Variants in EPHA6 observed in about 807,000 individuals in gnomAD.
EPHA6 encodes ephrin type-A receptor 6.
A neutral mutation model predicts 112.0 loss-of-function variants in EPHA6; 50 were observed. The ratio of observed to expected loss-of-function variants is 0.45; its 90% CI spans 0.36 to 0.56. The LOEUF (loss-of-function observed/expected upper bound fraction) is 0.56. EPHA6 is among the 20% of genes least tolerant of loss of function. The pLI is 0.00. For synonymous variants in EPHA6, 529 were observed against 490.7 expected (o/e 1.08, Z -1.03); for missense variants, 1,280 against 1,417.4 (o/e 0.90, Z 1.56).
intron 12 of EPHA6, among the ~76,000 whole-genome samples, chr3:97,603,551 G>A (rs557364083): frequency 3.4e-4 from 52 of 151,886 alleles, no homozygotes; most frequent in Admixed American, 1.2e-3. Context: ...AATCATCATA[G>A]TGACTATATA....
chr3:97,638,019 A>C lies in EPHA6; in HGVS notation c.2721A>C (p.Lys907Asn), dbSNP rs761211944. The stretch of plus-strand genomic sequence containing the variant: ...TGGTCAATAGCAACTTAGTATGCAA[A>C]GTTTCTGATTTTGGTCTCTCCAGAG... The part of the protein sequence containing the change: ...NILVNSNLVC[K>N]VSDFGLSRVL... The change falls in exon 14 of 18, where the codon AAA (lysine) becomes AAC (asparagine). Residue 907 changes from lysine to asparagine, a missense_variant. Transcript: ENST00000389672. The C allele has an allele frequency of 6.2e-7, 1 of 1,613,906 alleles. No homozygotes were observed.
intron 13 of EPHA6, among the ~76,000 whole-genome samples, chr3:97,637,025 G>C (rs1020522148): frequency 6.6e-6 from 1 of 151,894 alleles, no homozygotes; most frequent in East Asian, 1.9e-4. Flanking sequence ...GGTACTATTT[G>C]TTTACTATTT....
At chr3:97,395,943 C>T (rs2086669866) in intron 5 of EPHA6, among the ~76,000 whole-genome samples, 2 of 151,656 alleles carry the variant, frequency 1.3e-5, no homozygotes, top group Non-Finnish European at 3.0e-5. Context: ...GAACCTAGGA[C>T]ATAGTTGGAA....
chr3:97,618,182 G>A (rs188936067), intron 13 of EPHA6, among the ~76,000 whole-genome samples: 2 of 152,182 alleles, frequency 1.3e-5, no homozygotes, highest in East Asian at 3.9e-4. Flanking sequence ...TGACTTTTGG[G>A]TAAATAATGA....
intron 3 of EPHA6, among the ~76,000 whole-genome samples, chr3:97,099,018 CT>C (rs1427418748): frequency 1.3e-5 from 2 of 151,942 alleles, no homozygotes; most frequent in Non-Finnish European, 2.9e-5. Context: ...TTGCAGAAGG[CT>C]GTATAATAAT....
At chr3:97,342,579 G>A (rs927881712) in intron 5 of EPHA6, among the ~76,000 whole-genome samples, 5 of 152,194 alleles carry the variant, frequency 3.3e-5, no homozygotes, top group Admixed American at 6.5e-5. Flanking sequence ...GAATTCATAT[G>A]TTGACGCCCT....
At chr3:97,169,999 A>G (rs982264653) in intron 3 of EPHA6, among the ~76,000 whole-genome samples, 31 of 152,124 alleles carry the variant, frequency 2.0e-4, no homozygotes, top group African/African-American at 7.0e-4. Flanking sequence ...ACATTAGGAC[A>G]AATACCTAAT....
chr3:97,300,963 C>A (rs1478013624), intron 5 of EPHA6, among the ~76,000 whole-genome samples: 5 of 152,144 alleles, frequency 3.3e-5, no homozygotes, highest in Admixed American at 1.3e-4. Context: ...TTAAGCTGCA[C>A]AGAAAACACA....
intron 3 of EPHA6, among the ~76,000 whole-genome samples, chr3:97,067,008 A>T (rs1423037836): frequency 6.6e-6 from 1 of 152,090 alleles, no homozygotes; most frequent in Non-Finnish European, 1.5e-5. Flanking sequence ...TTAATCTGAG[A>T]TCTCTCAGAA....
chr3:97,381,065 A>G (rs2085700176), intron 5 of EPHA6, among the ~76,000 whole-genome samples: 2 of 152,076 alleles, frequency 1.3e-5, no homozygotes, highest in African/African-American at 2.4e-5. Flanking sequence ...GCTTTAACAT[A>G]CCATAGGAAT....
intron 5 of EPHA6, among the ~76,000 whole-genome samples, chr3:97,272,508 G>A (rs1006512911): frequency 3.3e-5 from 5 of 152,178 alleles, no homozygotes; most frequent in Non-Finnish European, 5.9e-5. Flanking sequence ...CTTTGTGTGA[G>A]CAACAAGGCT....
intron 7 of EPHA6, among the ~76,000 whole-genome samples, chr3:97,449,729 C>T (rs1055126344): frequency 2.0e-5 from 3 of 151,996 alleles, no homozygotes; most frequent in East Asian, 1.9e-4. Flanking sequence ...GAAATGGAAG[C>T]GTGTTTTATT....
At chr3:96,984,725 T>A (rs546518669) in intron 2 of EPHA6, among the ~76,000 whole-genome samples, 1 of 152,320 alleles carries the variant, frequency 6.6e-6, no homozygotes, top group South Asian at 2.1e-4. Context: ...CCCACTGCTT[T>A]GTTTACCTAC....
At chr3:97,166,227 ATACT>A (rs2076537969) in intron 3 of EPHA6, among the ~76,000 whole-genome samples, 1 of 152,190 alleles carries the variant, frequency 6.6e-6, no homozygotes, top group South Asian at 2.1e-4. Context: ...TCAGTTCCAA[ATACT>A]TACACACTTT....
At chr3:96,941,470 G>C (rs1462822437) in intron 2 of EPHA6, among the ~76,000 whole-genome samples, 3 of 152,130 alleles carry the variant, frequency 2.0e-5, no homozygotes, top group Non-Finnish European at 4.4e-5. Context: ...AAGCACTTCT[G>C]TGCATTGGTT....
intron 6 of EPHA6, among the ~76,000 whole-genome samples, chr3:97,415,139 C>T (rs2088025190): frequency 6.6e-6 from 1 of 151,928 alleles, no homozygotes; most frequent in Admixed American, 6.6e-5. Context: ...TGTATGATGA[C>T]TTTGCTTTCA....
At chr3:96,994,763 C>CGAGA (rs1553684583) in intron 3 of EPHA6, among the ~76,000 whole-genome samples, 37 of 50,336 alleles carry the variant, frequency 7.4e-4, no homozygotes, top group African/African-American at 1.2e-3. Flanking sequence ...AGAGAGAGAG[C>CGAGA]TATATATATA....
chr3:96,895,041 G>A (rs1051411948), intron 2 of EPHA6, among the ~76,000 whole-genome samples: 2 of 152,140 alleles, frequency 1.3e-5, no homozygotes, highest in Non-Finnish European at 2.9e-5. Flanking sequence ...AAACCACCAT[G>A]GACAATTTCT....
intron 11 of EPHA6, among the ~76,000 whole-genome samples, chr3:97,574,735 C>A (rs187124409): frequency 2.1e-4 from 32 of 152,058 alleles, no homozygotes; most frequent in Non-Finnish European, 3.8e-4. Context: ...AGCTAATTTT[C>A]TTAAAACAAA....
Sources: allele counts gnomAD v4.1 joint callset (sites outside exome capture counted in the v4.1 genomes callset), GRCh38; gene constraint gnomAD v4.1.1; transcripts MANE v1.5; gene names NCBI Gene and HGNC (gene_info 2026-07-23, HGNC 2026-07-21).